The following NRXN1 variants were observed in gnomAD, a reference collection of about 807,000 sequenced individuals.
The protein encoded by NRXN1 is neurexin-1.
In NRXN1, 39 loss-of-function variants were observed where a neutral mutation model predicts 150.9. The observed-to-expected ratio is 0.26, with a 90% CI of 0.20 to 0.34. The LOEUF is 0.34. Ranked by LOEUF, NRXN1 falls within the 10% of genes least tolerant of loss-of-function variation. NRXN1 has a pLI of 1.00. For missense variants in NRXN1, 1,815 were observed against 1,949.9 expected, an observed-to-expected ratio of 0.93 and a Z score of 1.30; for synonymous variants, 924 against 757.0, an observed-to-expected ratio of 1.22 and a Z score of -3.62.
intron 17 of NRXN1, among the ~76,000 whole-genome samples, chr2:50,426,581 T>A (rs2084514054): frequency 6.6e-6 from 1 of 152,198 alleles, no homozygotes; most frequent in Non-Finnish European, 1.5e-5. Context: ...CAGAAGCATA[T>A]CTGAGTTCTT....
chr2:50,728,342 A>G (rs1474432566), intron 5 of NRXN1, among the ~76,000 whole-genome samples: 1 of 152,184 alleles, frequency 6.6e-6, no homozygotes, highest in Admixed American at 6.5e-5. Context: ...TTACCTACTT[A>G]TAAGATAGTC....
rs1198611065 is a variant in NRXN1, at chr2:51,027,915, C to T, written c.359G>A (p.Arg120His). Residue 120 changes from arginine (R) to histidine (H), a missense_variant, in exon 2 of 23, where the codon CGC becomes CAC. This residue lies in a region of NRXN1 where 554 missense variants were observed against 478.8 expected (regional missense o/e 1.16). Transcript: ENST00000401669. ...NDGAWHSVRI[R>H]RQFRNTTLFI... ...GAGCGTGGTGTTGCGGAACTGGCGG[C>T]GGATGCGCACGCTGTGCCAGGCGCC... is the stretch of plus-strand genomic sequence containing the variant. The T allele has an allele frequency of 1.2e-6, 2 of 1,607,610 alleles. No homozygotes were observed.
chr2:50,121,974 G>T (rs13005356), intron 18 of NRXN1, among the ~76,000 whole-genome samples: 19,872 of 152,160 alleles, frequency 0.13, 1,398 homozygotes, highest in East Asian at 0.18. Flanking sequence ...TTTCTTCAGA[G>T]AATCTCCTCA....
intron 17 of NRXN1, among the ~76,000 whole-genome samples, chr2:50,419,712 T>G (rs2083821685): frequency 6.6e-6 from 1 of 152,084 alleles, no homozygotes; most frequent in African/African-American, 2.4e-5. Context: ...ATACTTAAAC[T>G]TTATCCTTTG....
intron 18 of NRXN1, among the ~76,000 whole-genome samples, chr2:50,116,546 C>T (rs1703096367): frequency 6.6e-6 from 1 of 152,028 alleles, no homozygotes; most frequent in Non-Finnish European, 1.5e-5. Flanking sequence ...AGGGACCCTT[C>T]CAAGGCATTC....
At chr2:50,267,883 TA>T (rs971653534) in intron 17 of NRXN1, among the ~76,000 whole-genome samples, 136 of 148,588 alleles carry the variant, frequency 9.2e-4, no homozygotes, top group African/African-American at 2.1e-3. Context: ...TGGAAGTGAT[TA>T]AAAAAAAAAA....
chr2:49,960,270 G>T (rs1675700714), intron 21 of NRXN1, among the ~76,000 whole-genome samples: 1 of 152,124 alleles, frequency 6.6e-6, no homozygotes, highest in South Asian at 2.1e-4. Flanking sequence ...GTCCTGAAAG[G>T]TTTGGAAATA....
At chr2:50,330,802 G>A (rs2076790967) in intron 17 of NRXN1, among the ~76,000 whole-genome samples, 2 of 152,308 alleles carry the variant, frequency 1.3e-5, no homozygotes, top group East Asian at 1.9e-4. Flanking sequence ...CTTGGATATG[G>A]TTAGGTTATT....
intron 5 of NRXN1, among the ~76,000 whole-genome samples, chr2:50,839,399 G>A (rs1672552722): frequency 6.6e-6 from 1 of 152,072 alleles, no homozygotes; most frequent in Admixed American, 6.6e-5. Flanking sequence ...AGTTATTTTA[G>A]TTAAATAGTC....
chr2:50,472,416 A>G lies in NRXN1; in HGVS notation c.3126T>C (p.Leu1042=). Residue 1042 remains leucine, a synonymous_variant, in exon 16 of 23, where the codon CTT becomes CTC. Transcript: ENST00000401669. ...AKETYKSLPK[L]VHAKEGFQGC... The stretch of plus-strand genomic sequence containing the variant: ...CTTGAAAGCCTTCTTTGGCATGTAC[A>G]AGTTTTGGTAAGGATTTGTATGTTT... 1 of 1,612,252 alleles carries G rather than the reference A, an allele frequency of 6.2e-7. No individual in the cohort carries two copies. The highest frequency in any genetic ancestry group is 8.5e-7 in the Non-Finnish European group (1 of 1,178,850).
At chr2:50,929,644 G>A (rs1687443896) in intron 2 of NRXN1, among the ~76,000 whole-genome samples, 1 of 152,032 alleles carries the variant, frequency 6.6e-6, no homozygotes, top group Non-Finnish European at 1.5e-5. Context: ...GTGGTAACAG[G>A]CAGTGGAAAG....
intron 17 of NRXN1, among the ~76,000 whole-genome samples, chr2:50,376,873 G>A (rs990979881): frequency 1.8e-4 from 28 of 151,928 alleles, no homozygotes; most frequent in Admixed American, 5.2e-4. Flanking sequence ...AAGAGGAACC[G>A]GTTCTTTGTG....
intron 17 of NRXN1, among the ~76,000 whole-genome samples, chr2:50,316,154 G>A (rs1163945130): frequency 6.6e-6 from 1 of 152,054 alleles, no homozygotes; most frequent in African/African-American, 2.4e-5. Context: ...ATAATATCTG[G>A]ATGTCATCTG....
At chr2:50,911,329 T>G (rs1684487356) in intron 5 of NRXN1, among the ~76,000 whole-genome samples, 1 of 151,700 alleles carries the variant, frequency 6.6e-6, no homozygotes, top group South Asian at 2.1e-4. Flanking sequence ...CCCTCATCAC[T>G]CTCTCCCTGC....
rs1667123754 is a variant in NRXN1 at position 50,549,575 on chromosome 2, AAAC to A, written c.1759+3009_1759+3011del. Among the ~76,000 whole-genome samples, 3 of 152,186 alleles carry A rather than the reference AAAC, an allele frequency of 2.0e-5. No homozygotes were observed. The South Asian group carries it at 6.2e-4, about 31-fold the overall frequency. ...TTCGTTTATTTTCTTTCTTAGATGC[AAAC>A]AACACTTCCTTAGAACGTGTTTCTG... On this transcript the variant is annotated intron_variant, in intron 9 of 22. Transcript: ENST00000401669.
chr2:49,949,662 A>G (rs185613934), intron 21 of NRXN1, among the ~76,000 whole-genome samples: 1 of 144,122 alleles, frequency 6.9e-6, no homozygotes, highest in East Asian at 1.9e-4. Context: ...GTTTATTTCT[A>G]AACAGCAACA....
chr2:49,972,312 C>G (rs1250543614), intron 21 of NRXN1, among the ~76,000 whole-genome samples: 1 of 152,124 alleles, frequency 6.6e-6, no homozygotes. Flanking sequence ...AGAATTTGAA[C>G]TGGGTATTGG....
At chr2:50,209,389 G>C (rs2062847696) in intron 18 of NRXN1, among the ~76,000 whole-genome samples, 1 of 152,124 alleles carries the variant, frequency 6.6e-6, no homozygotes, top group African/African-American at 2.4e-5. Context: ...CACTATGCTA[G>C]GCCCTTCACA....
intron 19 of NRXN1, among the ~76,000 whole-genome samples, chr2:50,083,692 G>A (rs1330718143): frequency 2.0e-5 from 3 of 152,152 alleles, no homozygotes; most frequent in African/African-American, 7.2e-5. Flanking sequence ...ACAGAGAGCC[G>A]ATTGGTCTGT....
Sources: allele counts gnomAD v4.1 joint callset (sites outside exome capture counted in the v4.1 genomes callset), GRCh38; gene constraint gnomAD v4.1.1; regional missense constraint gnomAD v4.1.1; transcripts MANE v1.5; gene names NCBI Gene and HGNC (gene_info 2026-07-23, HGNC 2026-07-21).